The following CNTRL variants were observed in gnomAD, a reference collection of about 807,000 sequenced individuals.
CNTRL encodes centriolin, also known as 110 kDa centrosomal protein.
Under a neutral mutation model 303.7 loss-of-function variants are expected in CNTRL, and 233 were observed. The ratio of observed to expected loss-of-function variants is 0.77; its 90% confidence interval spans 0.69 to 0.86. The LOEUF (loss-of-function observed/expected upper bound fraction) is 0.86, where lower values mean the gene tolerates loss of function less well. CNTRL is among the 40% of genes least tolerant of loss of function. The pLI is 0.00. For synonymous variants in CNTRL, 900 were observed against 922.2 expected (o/e 0.98, Z 0.44); for missense variants, 2,524 against 2,650.6 (o/e 0.95, Z 1.05).
rs144737755 is a variant in CNTRL, at chr9:121,157,156, A to C, written c.4366-314A>C. The stretch of plus-strand genomic sequence containing the variant: ...TAAATTTATTTTTCTCAGCCAACAT[A>C]ATATTAACATTCTTCCGTGTTGCTA... On this transcript the variant is annotated intron_variant, in intron 27 of 43. Coordinates refer to ENST00000373855, the MANE Select transcript of CNTRL (RefSeq NM_007018.6). Among the ~76,000 whole-genome samples the C allele has an allele frequency of 2.5e-3, 383 of 152,334 alleles. 1 individual carries two copies. The highest frequency in any genetic ancestry group is 8.7e-3 in the African/African-American group (360 of 41,582).
At chr9:121,087,944 A>G (rs752265433) in intron 2 of CNTRL, among the ~76,000 whole-genome samples, 3 of 152,212 alleles carry the variant, frequency 2.0e-5, no homozygotes, top group Non-Finnish European at 2.9e-5. Context: ...GAGAGTGCTC[A>G]TCAGTATTAA....
In CNTRL at chr9:121,171,423, A is replaced by G; in HGVS notation, c.6292A>G (p.Asn2098Asp). 1 of 1,614,068 alleles carries G rather than the reference A, an allele frequency of 6.2e-7. No homozygotes were observed. Among genetic ancestry groups the G allele is most frequent in the Non-Finnish European group, 8.5e-7 (1 of 1,179,936 alleles). Residue 2098 changes from asparagine (N) to aspartate (D), a missense_variant, in exon 40 of 44, where the codon AAC becomes GAC. Asn to Asp is a conservative substitution (Grantham distance 23). Transcript: ENST00000373855. ...CCTGTGCTAGGAGCAAAAACAGGAG[A>G]ACAGCTGCATACAAAAGGAAATGGC... ...EKNLLEQKQE[N>D]SCIQKEMATI... is the part of the protein sequence containing the mutation.
chr9:121,139,617 T>C (rs995782121), intron 16 of CNTRL, among the ~76,000 whole-genome samples: 19 of 152,212 alleles, frequency 1.2e-4, no homozygotes, highest in Admixed American at 1.3e-4. Flanking sequence ...CTATGTGAGG[T>C]GTGTGTGTAT....
chr9:121,087,343 G>A (rs1247436508), intron 2 of CNTRL, among the ~76,000 whole-genome samples: 1 of 152,128 alleles, frequency 6.6e-6, no homozygotes, highest in African/African-American at 2.4e-5. Flanking sequence ...GAGATATCAC[G>A]TAGGCAATTG....
intron 4 of CNTRL, among the ~76,000 whole-genome samples, chr9:121,092,989 A>G (rs575690041): frequency 6.7e-6 from 1 of 149,234 alleles, no homozygotes; most frequent in African/African-American, 2.5e-5. Flanking sequence ...TTTTATCTTT[A>G]GTAGAGACAG....
intron 29 of CNTRL, 37 bp from the exon 30 acceptor site, chr9:121,157,946 C>T (rs372003677): frequency 1.9e-6 from 3 of 1,613,994 alleles, no homozygotes; most frequent in Non-Finnish European, 2.5e-6. Context: ...GTTCCGAGTC[C>T]CTTAGGATCT....
Position 121,135,912 on chromosome 9 carries a change from G to A in CNTRL, c.2132G>A (p.Arg711Gln), listed in dbSNP as rs376714029. Reference protein sequence around the residue: ...LSAYEAELEARLNLRDAEANQ... With the variant: ...LSAYEAELEAQLNLRDAEANQ... ...GCCTATGAAGCTGAGCTAGAGGCTC[G>A]GCTAAACCTAAGGGATGCTGAAGCC... The change falls in exon 15 of 44, where the codon CGG becomes CAG. Residue 711 changes from arginine (R) to glutamine (Q), a missense_variant. Coordinates refer to ENST00000373855, the MANE Select transcript of CNTRL (RefSeq NM_007018.6). 5.6e-6 allele frequency: 9 copies of A among 1,613,836 alleles called. No individual in the cohort carries two copies. The highest frequency in any genetic ancestry group is 1.3e-5 in the African/African-American group (1 of 74,976).
intron 8 of CNTRL, among the ~76,000 whole-genome samples, chr9:121,109,368 T>C (rs2049639027): frequency 6.6e-6 from 1 of 152,186 alleles, no homozygotes; most frequent in Non-Finnish European, 1.5e-5. Flanking sequence ...TTATTCAGCA[T>C]CTTAACTTTC....
chr9:121,094,910 G>A lies in CNTRL; in HGVS notation c.371G>A (p.Cys124Tyr). The A allele has an allele frequency of 6.3e-7, 1 of 1,576,866 alleles. No individual in the cohort carries two copies. ...KFKYIENLEK[C>Y]VKLEVLNLSY... ...TAGTATATTGAGAATTTGGAAAAAT[G>A]TGTTAAACTTGAAGTACTGAATCTC... The change falls in exon 5 of 44, where the codon TGT becomes TAT. Residue 124 changes from cysteine (C) to tyrosine (Y), a missense_variant. Physicochemically the swap from Cys to Tyr is radical, Grantham distance 194 (BLOSUM62 -2). Coordinates refer to ENST00000373855, the MANE Select transcript of CNTRL (RefSeq NM_007018.6).
In CNTRL at chr9:121,113,492, T is replaced by C; in HGVS notation, c.1123-10T>C. The C allele has an allele frequency of 6.7e-7, 1 of 1,482,268 alleles. No individual in the cohort carries two copies. The highest frequency in any genetic ancestry group is 9.2e-7 in the Non-Finnish European group (1 of 1,090,418). 91.8% of individuals were successfully genotyped at this position (1,482,268 alleles called of 1,614,324 possible). A position where few individuals can be genotyped will look rare whatever the true frequency, so the allele number is the denominator to read the frequency against. ...CTTATTAAACCATAAATCTATTATT[T>C]TGCTTTTAGTATGCTGAAATTGATA... On this transcript the variant is annotated splice_polypyrimidine_tract_variant and intron_variant, in intron 9 of 43. Transcript: ENST00000373855.
intron 14 of CNTRL, among the ~76,000 whole-genome samples, chr9:121,134,219 T>C (rs1235247114): frequency 1.3e-5 from 2 of 152,166 alleles, no homozygotes; most frequent in African/African-American, 4.8e-5. Flanking sequence ...AGCATTTTCC[T>C]GCATCACTAC....
At chr9:121,113,760 A>G in intron 10 of CNTRL, 36 bp downstream of exon 10, 1 of 1,291,018 alleles carries the variant, frequency 7.7e-7, no homozygotes, top group Non-Finnish European at 1.0e-6. Context: ...TTAAAAAAAA[A>G]TATGAAAACA....
chr9:121,098,003 A>G (rs2048966133), intron 6 of CNTRL, among the ~76,000 whole-genome samples: 1 of 152,184 alleles, frequency 6.6e-6, no homozygotes, highest in African/African-American at 2.4e-5. Flanking sequence ...TGATTTGTTA[A>G]ATCAGTATAA....
At chr9:121,105,238 GC>G (rs1380942805) in intron 7 of CNTRL, among the ~76,000 whole-genome samples, 1 of 152,146 alleles carries the variant, frequency 6.6e-6, no homozygotes, top group African/African-American at 2.4e-5. Context: ...AACGTTTATG[GC>G]CTGTAGTTAA....
chr9:121,168,483 C>T (rs1403724075), intron 38 of CNTRL, among the ~76,000 whole-genome samples, 162 bp downstream of exon 38: 3 of 152,168 alleles, frequency 2.0e-5, no homozygotes, highest in African/African-American at 7.2e-5. Flanking sequence ...GATGAGGAAG[C>T]AGGTTCAGAG....
In CNTRL at chr9:121,113,714, A is replaced by C; in HGVS notation, c.1335A>C (p.Lys445Asn). Residue 445 changes from lysine to asparagine, a missense_variant, in exon 10 of 44, where the codon AAA becomes AAC. By Grantham distance (94) the Lys-to-Asn change is moderately conservative (BLOSUM62 0). Transcript: ENST00000373855. Reference protein sequence around the residue: ...LDTQLEDKEKKISAAQTRLSE... With the variant: ...LDTQLEDKEKNISAAQTRLSE... The stretch of plus-strand genomic sequence containing the variant: ...CGCAACTGGAAGACAAAGAAAAAAA[A>C]ATAAGTGCAGGTTAAAAAAAGTTAT... The C allele has an allele frequency of 6.5e-7, 1 of 1,534,350 alleles. No homozygotes were observed. Among genetic ancestry groups the C allele is most frequent in the Non-Finnish European group, 8.7e-7 (1 of 1,147,854 alleles).
intron 19 of CNTRL, 113 bp downstream of exon 19, chr9:121,142,383 C>A: frequency 2.2e-6 from 2 of 901,992 alleles, no homozygotes; most frequent in Non-Finnish European, 3.2e-6. Context: ...GGCTGCATTG[C>A]TGGCACAGTG....
chr9:121,162,866 A>C (rs2052915933), intron 34 of CNTRL, among the ~76,000 whole-genome samples: 1 of 152,212 alleles, frequency 6.6e-6, no homozygotes, highest in African/African-American at 2.4e-5. Context: ...GGAACAGAAT[A>C]GAAAGTCTAG....
chr9:121,125,954 C>A lies in CNTRL; in HGVS notation c.2025+18C>A, dbSNP rs1198649785. 3 of 1,598,654 alleles carry A rather than the reference C, an allele frequency of 1.9e-6. No homozygotes were observed. Among genetic ancestry groups the A allele is most frequent in the Non-Finnish European group, 8.6e-7 (1 of 1,166,132 alleles). ...TGAGGAAGGTATGATTTTTTTCCTG[C>A]CTATTTTCCGTAGCTTCATAAGTAG... On this transcript the variant is annotated intron_variant, in intron 14 of 43. Transcript: ENST00000373855.
Sources: gnomAD v4.1 joint callset for allele counts (sites outside exome capture counted in the v4.1 genomes callset) on GRCh38, gnomAD v4.1.1 for gene constraint, MANE v1.5 for transcripts, NCBI Gene and HGNC (gene_info 2026-07-23, HGNC 2026-07-21) for gene names.